LIPK: variants seen among roughly 807,000 people sequenced by gnomAD.
LIPK encodes lipase family member K.
A neutral mutation model predicts 48.6 loss-of-function variants in LIPK; 32 were observed. That is an observed-to-expected ratio of 0.66 (90% CI 0.50 to 0.88). The LOEUF (loss-of-function observed/expected upper bound fraction) is 0.88. Ranked by LOEUF, LIPK falls within the 40% of genes least tolerant of loss-of-function variation. The probability of loss-of-function intolerance (pLI) is 0.00; values close to 1 mark genes in which losing one functional copy is unlikely to be tolerated. For missense variants in LIPK, 507 were observed against 478.5 expected (o/e 1.06, Z -0.56); for synonymous variants, 164 against 157.4 (o/e 1.04, Z -0.32).
intron 6 of LIPK, among the ~76,000 whole-genome samples, chr10:88,734,113 A>G (rs1195755420): frequency 2.6e-5 from 4 of 152,230 alleles, no homozygotes; most frequent in African/African-American, 4.8e-5. Flanking sequence ...TATAGTACCA[A>G]TAGAAGAACT....
chr10:88,740,585 G>A (rs879309145), intron 8 of LIPK, among the ~76,000 whole-genome samples: 6 of 152,212 alleles, frequency 3.9e-5, no homozygotes, highest in Admixed American at 3.9e-4. Flanking sequence ...TCAGAGATAA[G>A]TCTAATCCAG....
intron 3 of LIPK, 131 bp from the exon 4 acceptor site, chr10:88,730,852 T>G: frequency 1.4e-6 from 1 of 718,066 alleles, no homozygotes; most frequent in Non-Finnish European, 2.3e-6. Flanking sequence ...AGGGACTAGA[T>G]CCCAGGTTTG....
chr10:88,752,761 A>T lies in LIPK; in HGVS notation c.*5A>T, dbSNP rs778525387. The T allele has an allele frequency of 2.0e-6, 3 of 1,534,140 alleles. No homozygotes were observed. The highest frequency in any genetic ancestry group is 2.6e-6 in the Non-Finnish European group (3 of 1,132,172). ...GAAGAATATTTACAAAATTAAATGCACTTTACTTTCTCTAAGCAAGTGGAT... is the reference window on the plus strand; with the variant it reads ...GAAGAATATTTACAAAATTAAATGCTCTTTACTTTCTCTAAGCAAGTGGAT... On this transcript the variant is annotated 3_prime_UTR_variant, in exon 10 of 10. Coordinates refer to ENST00000404190, the MANE Select transcript of LIPK (RefSeq NM_001080518.2).
At chr10:88,707,176 T>C (rs814642) in intron 1 of LIPK, among the ~76,000 whole-genome samples, 119,230 of 152,026 alleles carry the variant, frequency 0.78, 47,732 homozygotes, top group East Asian at 1. Context: ...AGGCTTTCTT[T>C]GTGTCTGAAA....
chr10:88,743,087 G>T (rs1317312170), intron 8 of LIPK, among the ~76,000 whole-genome samples, 163 bp from the exon 9 acceptor site: 2 of 152,044 alleles, frequency 1.3e-5, no homozygotes, highest in African/African-American at 4.8e-5. Context: ...ATTACGATAA[G>T]ATTTATCATT....
chr10:88,731,275 C>T (rs1170868933), intron 4 of LIPK, 94 bp downstream of exon 4: 1 of 1,020,318 alleles, frequency 9.8e-7, no homozygotes, highest in African/African-American at 1.7e-5. Context: ...TGTCCAAATG[C>T]ACCCAATGGA....
At position 88,749,253 on chromosome 10, in the gene LIPK, A is replaced by C. The variant is rs577517949; in HGVS notation, c.961-3264A>C. On this transcript the variant is annotated intron_variant, in intron 9 of 9. Transcript: ENST00000404190. ...AAAATACAAATGACATCTAACACAG[A>C]ATTAGAAAAACTATTTTAAAATTCA... Among the ~76,000 whole-genome samples, 3 of 152,344 alleles carry C rather than the reference A, an allele frequency of 2.0e-5. No homozygotes were observed. In the South Asian group the frequency reaches 6.2e-4, roughly 32 times the overall value.
At chr10:88,721,523 A>T (rs922308579) in intron 1 of LIPK, among the ~76,000 whole-genome samples, 3 of 152,222 alleles carry the variant, frequency 2.0e-5, no homozygotes, top group African/African-American at 7.2e-5. Flanking sequence ...GGGGAACAAA[A>T]CAAAGGCAGC....
chr10:88,740,748 A>G (rs1826172902), intron 8 of LIPK, among the ~76,000 whole-genome samples: 1 of 152,216 alleles, frequency 6.6e-6, no homozygotes, highest in South Asian at 2.1e-4. Context: ...TGAACAAAAT[A>G]TACATAATTC....
At chr10:88,752,491 T>C (rs17112453) in intron 9 of LIPK, 26 bp from the exon 10 acceptor site, 73,522 of 1,497,452 alleles carry the variant, frequency 0.049, 2,001 homozygotes, top group South Asian at 0.097. Context: ...GTAAAAACTT[T>C]TCTCTCTCTC....
chr10:88,712,910 T>C (rs1468386199), intron 1 of LIPK, among the ~76,000 whole-genome samples: 1 of 152,184 alleles, frequency 6.6e-6, no homozygotes, highest in African/African-American at 2.4e-5. Context: ...GGGTCAGATA[T>C]AAGGAAACTG....
chr10:88,737,597 G>A (rs373018858), intron 6 of LIPK, 38 bp from the exon 7 acceptor site: 100 of 1,606,228 alleles, frequency 6.2e-5, no homozygotes, highest in Middle Eastern at 1.7e-4. Flanking sequence ...TGATATCCAC[G>A]CCTGTAAGAT....
At chr10:88,730,013 T>C (rs1218203332) in intron 3 of LIPK, among the ~76,000 whole-genome samples, 1 of 152,226 alleles carries the variant, frequency 6.6e-6, no homozygotes, top group Non-Finnish European at 1.5e-5. Context: ...ATAGGATTTT[T>C]GTATCATATT....
chr10:88,729,258 G>GT (rs1163141629), intron 3 of LIPK, among the ~76,000 whole-genome samples: 1 of 110,178 alleles, frequency 9.1e-6, no homozygotes, highest in Non-Finnish European at 1.9e-5. Flanking sequence ...CTGTTGGGGG[G>GT]GGGGGGCGGG....
At chr10:88,727,275 T>C (rs1842362708) in intron 3 of LIPK, among the ~76,000 whole-genome samples, 1 of 152,214 alleles carries the variant, frequency 6.6e-6, no homozygotes, top group African/African-American at 2.4e-5. Flanking sequence ...ATCATCGCCA[T>C]CTATCAATTT....
chr10:88,730,838 C>G, intron 3 of LIPK, 145 bp from the exon 4 acceptor site: 2 of 634,916 alleles, frequency 3.2e-6, no homozygotes, highest in Non-Finnish European at 5.3e-6. Flanking sequence ...GTAAGTAGCT[C>G]AGAAGGGACT....
chr10:88,709,813 A>G (rs1339546337), intron 1 of LIPK, among the ~76,000 whole-genome samples: 1 of 152,104 alleles, frequency 6.6e-6, no homozygotes, highest in Admixed American at 6.6e-5. Flanking sequence ...TCACATCGTA[A>G]GATTCAGGAA....
At chr10:88,742,290 A>C (rs1419575473) in intron 8 of LIPK, among the ~76,000 whole-genome samples, 1 of 152,246 alleles carries the variant, frequency 6.6e-6, no homozygotes, top group Non-Finnish European at 1.5e-5. Context: ...GTTCCTAAGT[A>C]GTACGTCCTA....
chr10:88,752,026 T>C (rs918693520), intron 9 of LIPK, among the ~76,000 whole-genome samples: 14 of 152,190 alleles, frequency 9.2e-5, no homozygotes, highest in African/African-American at 3.4e-4. Context: ...ACTCTAGTTA[T>C]TTGTAACAGA....
Sources: gnomAD v4.1 joint callset for allele counts (sites outside exome capture counted in the v4.1 genomes callset) on GRCh38, gnomAD v4.1.1 for gene constraint, MANE v1.5 for transcripts, NCBI Gene and HGNC (gene_info 2026-07-23, HGNC 2026-07-21) for gene names.